GRID1: variants seen among roughly 807,000 people sequenced by gnomAD.
GRID1 encodes the protein glutamate ionotropic receptor delta type subunit 1, also known as glutamate receptor ionotropic, delta-1.
A neutral mutation model predicts 98.0 loss-of-function variants in GRID1; 28 were observed. That is an observed-to-expected ratio of 0.29 (90% CI 0.21 to 0.39). The LOEUF (loss-of-function observed/expected upper bound fraction) is 0.39, where lower values mean the gene tolerates loss of function less well. GRID1 is among the 10% of genes least tolerant of loss of function. The pLI, the probability that GRID1 is intolerant of heterozygous loss-of-function variation, is 1.00. For synonymous variants in GRID1, 553 were observed against 538.5 expected (o/e 1.03, Z -0.37); for missense variants, 1,111 against 1,340.5 (o/e 0.83, Z 2.67).
At chr10:85,911,668 T>C (rs1006835222) in intron 5 of GRID1, among the ~76,000 whole-genome samples, 4 of 152,234 alleles carry the variant, frequency 2.6e-5, no homozygotes, top group African/African-American at 9.6e-5. Context: ...GAAGAATTCA[T>C]GTAACAATGG....
At chr10:85,874,879 A>T (rs1279014944) in intron 5 of GRID1, among the ~76,000 whole-genome samples, 1 of 151,886 alleles carries the variant, frequency 6.6e-6, no homozygotes, top group Admixed American at 6.6e-5. Context: ...TTATTTATTT[A>T]TTTTGAGACA....
chr10:85,775,998 T>C (rs1405144516), intron 8 of GRID1, among the ~76,000 whole-genome samples: 2 of 152,008 alleles, frequency 1.3e-5, no homozygotes, highest in Middle Eastern at 3.2e-3. Flanking sequence ...TTTTTAAATA[T>C]ATGTAACTGA....
intron 8 of GRID1, among the ~76,000 whole-genome samples, chr10:85,797,173 G>T (rs1037013672): frequency 2.6e-5 from 4 of 152,064 alleles, no homozygotes; most frequent in East Asian, 1.9e-4. Context: ...TATTGAAAAA[G>T]AGTTTTTTAA....
At chr10:85,726,157 G>T (rs542114396) in intron 10 of GRID1, among the ~76,000 whole-genome samples, 1 of 152,092 alleles carries the variant, frequency 6.6e-6, no homozygotes, top group Non-Finnish European at 1.5e-5. Flanking sequence ...GCCTGCAGAT[G>T]TAAATTTCAT....
At chr10:86,183,155 C>T (rs1160032663) in intron 3 of GRID1, among the ~76,000 whole-genome samples, 3 of 152,116 alleles carry the variant, frequency 2.0e-5, no homozygotes, top group African/African-American at 7.2e-5. Flanking sequence ...CACTGATCTG[C>T]AATCTGTCAC....
At chr10:86,207,082 C>G (rs1846037012) in intron 2 of GRID1, among the ~76,000 whole-genome samples, 1 of 152,096 alleles carries the variant, frequency 6.6e-6, no homozygotes, top group African/African-American at 2.4e-5. Flanking sequence ...TAGCCACAGG[C>G]AGAGAATATA....
intron 4 of GRID1, among the ~76,000 whole-genome samples, chr10:85,951,115 C>T (rs573322626): frequency 6.6e-5 from 10 of 152,166 alleles, no homozygotes; most frequent in Non-Finnish European, 1.3e-4. Context: ...GTGACCAGCC[C>T]ACAGGATGGA....
intron 8 of GRID1, among the ~76,000 whole-genome samples, chr10:85,785,761 C>T (rs1842422168): frequency 6.6e-6 from 1 of 152,122 alleles, no homozygotes; most frequent in South Asian, 2.1e-4. Context: ...CCCCAGACTC[C>T]CAAACCTGAA....
At chr10:86,326,875 C>A (rs1406486366) in intron 2 of GRID1, among the ~76,000 whole-genome samples, 1 of 152,198 alleles carries the variant, frequency 6.6e-6, no homozygotes, top group African/African-American at 2.4e-5. Flanking sequence ...ATGGTTCGCA[C>A]CTGTAATCCC....
At chr10:85,928,092 G>C (rs1841800573) in intron 4 of GRID1, among the ~76,000 whole-genome samples, 2 of 152,168 alleles carry the variant, frequency 1.3e-5, no homozygotes, top group South Asian at 4.1e-4. Flanking sequence ...ATGCTGGATA[G>C]GCTCAATGAG....
At chr10:85,735,042 G>A (rs370934255) in intron 8 of GRID1, among the ~76,000 whole-genome samples, 3 of 152,152 alleles carry the variant, frequency 2.0e-5, no homozygotes, top group Admixed American at 2.0e-4. Context: ...TGATAAGTGG[G>A]AAGCCAGAAA....
In GRID1 at chr10:86,169,955, G is replaced by A. The variant is rs1026903616; in HGVS notation, c.521-30931C>T. ...AGCTGGAGCTCTCAGAGGCCAAGGC[G>A]GGGCAGGAAAGCGCCCCGTGCAAGC... On this transcript the variant is annotated intron_variant, in intron 3 of 15. Transcript: ENST00000327946. Among the ~76,000 whole-genome samples the A allele has an allele frequency of 4.6e-5, 7 of 152,196 alleles. No individual in the cohort carries two copies. The East Asian group carries it at 5.8e-4, about 13-fold the overall frequency.
rs1027229015 is a variant in GRID1, at chr10:86,110,163, A to C, written c.726+28656T>G. 7.9e-5 allele frequency among the ~76,000 whole-genome samples: 12 copies of C among 152,066 alleles called. 1 individual carries two copies. The highest frequency in any genetic ancestry group is 5.2e-4 in the Admixed American group (8 of 15,264). ...AATTTTTTATATTTTTAGTAGAGAC[A>C]GGGTTTCACCATATTGGTCAGGCTG... On this transcript the variant is annotated intron_variant, in intron 4 of 15. Transcript: ENST00000327946.
intron 4 of GRID1, among the ~76,000 whole-genome samples, chr10:85,967,873 T>C (rs956194783): frequency 9.2e-5 from 14 of 152,214 alleles, no homozygotes; most frequent in Admixed American, 3.9e-4. Context: ...ATGTTCAAAG[T>C]ACTGCAAGTA....
At chr10:86,076,243 T>C (rs1223241957) in intron 4 of GRID1, among the ~76,000 whole-genome samples, 1 of 152,198 alleles carries the variant, frequency 6.6e-6, no homozygotes, top group Non-Finnish European at 1.5e-5. Flanking sequence ...AGCCATGATT[T>C]CAAGAAAATT....
intron 8 of GRID1, among the ~76,000 whole-genome samples, chr10:85,840,182 G>C (rs939909557): frequency 1.3e-5 from 2 of 152,136 alleles, no homozygotes; most frequent in African/African-American, 4.8e-5. Context: ...GTACTAAGAA[G>C]AGCTGGTACT....
At chr10:85,687,224 C>A (rs903411207) in intron 12 of GRID1, among the ~76,000 whole-genome samples, 1 of 151,526 alleles carries the variant, frequency 6.6e-6, no homozygotes, top group Non-Finnish European at 1.5e-5. Flanking sequence ...TACTTCTATT[C>A]ATTGTTCCTC....
chr10:85,856,853 G>A (rs1356927557), intron 6 of GRID1, among the ~76,000 whole-genome samples: 3 of 152,244 alleles, frequency 2.0e-5, no homozygotes, highest in African/African-American at 4.8e-5. Flanking sequence ...AGTTCAAGAC[G>A]ACTGTGTCAA....
At chr10:85,984,282 G>A (rs1436662774) in intron 4 of GRID1, among the ~76,000 whole-genome samples, 1 of 152,220 alleles carries the variant, frequency 6.6e-6, no homozygotes, top group Non-Finnish European at 1.5e-5. Flanking sequence ...CATGGAACGA[G>A]AAAGAGACAT....
Sources: allele counts gnomAD v4.1 joint callset (sites outside exome capture counted in the v4.1 genomes callset), GRCh38; gene constraint gnomAD v4.1.1; transcripts MANE v1.5; gene names NCBI Gene and HGNC (gene_info 2026-07-23, HGNC 2026-07-21).